The following ZNF841 variants were observed in gnomAD, a reference collection of about 807,000 sequenced individuals.
ZNF841 encodes TCONS_00006091.
A neutral mutation model predicts 13.0 loss-of-function variants in ZNF841; 11 were observed. The ratio of observed to expected loss-of-function variants is 0.85; its 90% confidence interval spans 0.53 to 1.40. The LOEUF (loss-of-function observed/expected upper bound fraction) is 1.40, where lower values mean the gene tolerates loss of function less well. Among genes scored for constraint, ZNF841 ranks in the 40% most tolerant of loss-of-function variants. The pLI is 0.00. For missense variants in ZNF841, 1,068 were observed against 1,139.5 expected (o/e 0.94, Z 0.90); for synonymous variants, 369 against 381.6 (o/e 0.97, Z 0.38).
rs576052911 is a variant in ZNF841, at chr19:52,088,070, C to G, written c.-78+867G>C. ...AAAAAAAAAAAACAAAGGTAGCCCC[C>G]CTAAATGATCTCTGTGATTTTCCAG... On this transcript the variant is annotated intron_variant, in intron 3 of 6. Coordinates refer to ENST00000594440, the MANE Select transcript of ZNF841 (RefSeq NM_001136499.2). Among the ~76,000 whole-genome samples the G allele has an allele frequency of 4.6e-5, 7 of 151,500 alleles. No homozygotes were observed. The East Asian group carries it at 5.8e-4, about 13-fold the overall frequency.
chr19:52,076,009 G>T, intron 6 of ZNF841, 35 bp downstream of exon 6: 1 of 1,549,358 alleles, frequency 6.5e-7, no homozygotes, highest in Non-Finnish European at 8.7e-7. Context: ...ACAATTTCAT[G>T]GTACCGCTTC....
Position 52,066,506 on chromosome 19 carries a change from C to T in ZNF841, c.1376G>A (p.Cys459Tyr), listed in dbSNP as rs1179553339. The T allele has an allele frequency of 1.2e-6, 2 of 1,613,996 alleles. No homozygotes were observed. Among genetic ancestry groups the T allele is most frequent in the South Asian group, 1.1e-5 (1 of 91,068 alleles). ...IIHTGETPYK[C>Y]NECGKVFFQR... ...AAAGAAGACCTTGCCACATTCATTACATTTGTAAGGTGTCTCTCCAGTATG... is the reference window on the plus strand; with the variant it reads ...AAAGAAGACCTTGCCACATTCATTATATTTGTAAGGTGTCTCTCCAGTATG... The change falls in exon 7 of 7, where the codon TGT becomes TAT. Residue 459 changes from cysteine to tyrosine, a missense_variant. By Grantham distance (194) the Cys-to-Tyr change is radical. Coordinates refer to ENST00000594440, the MANE Select transcript of ZNF841 (RefSeq NM_001136499.2).
At chr19:52,068,203 T>A (rs1048607636) in intron 6 of ZNF841, among the ~76,000 whole-genome samples, 8 of 152,118 alleles carry the variant, frequency 5.3e-5, no homozygotes, top group Admixed American at 5.2e-4. Flanking sequence ...AGGCAGTATA[T>A]AACTAGAAAA....
At chr19:52,075,598 A>G (rs2087873986) in intron 6 of ZNF841, among the ~76,000 whole-genome samples, 2 of 152,216 alleles carry the variant, frequency 1.3e-5, no homozygotes, top group Non-Finnish European at 2.9e-5. Flanking sequence ...TCTCCTGACC[A>G]GCACTTTCAA....
At chr19:52,067,699 G>T in intron 6 of ZNF841, 89 bp from the exon 7 acceptor site, 1 of 892,548 alleles carries the variant, frequency 1.1e-6, no homozygotes, top group Non-Finnish European at 1.5e-6. Context: ...TAAACATAAT[G>T]TTTATACTAG....
At chr19:52,061,448 T>A (rs2087394932), downstream of ZNF841, among the ~76,000 whole-genome samples, 1 of 152,154 alleles carries the variant, frequency 6.6e-6, no homozygotes, top group African/African-American at 2.4e-5. Flanking sequence ...TATGACCTTA[T>A]ACCAAAACCT....
At chr19:52,077,499 T>C (rs1482017620) in intron 4 of ZNF841, among the ~76,000 whole-genome samples, 2 of 152,166 alleles carry the variant, frequency 1.3e-5, no homozygotes, top group Admixed American at 1.3e-4. Context: ...AACTAAAGTT[T>C]TGGAACACTC....
chr19:52,074,439 G>T (rs567934632), intron 6 of ZNF841, among the ~76,000 whole-genome samples: 1 of 152,306 alleles, frequency 6.6e-6, no homozygotes, highest in South Asian at 2.1e-4. Flanking sequence ...TACTGGGGAA[G>T]AAAAGTGTGG....
At chr19:52,084,372 G>C (rs12611043) in intron 4 of ZNF841, among the ~76,000 whole-genome samples, 2 of 151,898 alleles carry the variant, frequency 1.3e-5, no homozygotes, top group East Asian at 3.9e-4. Context: ...TCTCCCCTTA[G>C]AGGCATCTTT....
intron 4 of ZNF841, among the ~76,000 whole-genome samples, chr19:52,083,075 G>A (rs1380332469): frequency 2.9e-5 from 4 of 139,704 alleles, no homozygotes; most frequent in East Asian, 2.3e-4. Flanking sequence ...GCAAGACTCC[G>A]TCTCAAAAAA....
At chr19:52,084,974 G>T (rs2088222751) in intron 3 of ZNF841, 96 bp from the exon 4 acceptor site, 4 of 645,972 alleles carry the variant, frequency 6.2e-6, no homozygotes, top group Non-Finnish European at 1.0e-5. Flanking sequence ...CATGTGGAGA[G>T]ACAGCCCAGT....
chr19:52,077,785 A>G (rs577370457), intron 4 of ZNF841, among the ~76,000 whole-genome samples: 2 of 152,356 alleles, frequency 1.3e-5, no homozygotes, highest in Non-Finnish European at 2.9e-5. Flanking sequence ...AGAGAGACTA[A>G]CTAACTTATG....
chr19:52,059,274 C>T, the ZNF841 span, among the ~76,000 whole-genome samples: 2 of 145,584 alleles, frequency 1.4e-5, no homozygotes, highest in South Asian at 4.4e-4. Context: ...GGCAAGAACC[C>T]GAGAGGTGGA....
chr19:52,085,087 A>G (rs1183436731), intron 3 of ZNF841, among the ~76,000 whole-genome samples: 8 of 151,844 alleles, frequency 5.3e-5, no homozygotes, highest in Non-Finnish European at 1.0e-4. Flanking sequence ...GCCCCCACAC[A>G]CCCTGCAACA....
intron 1 of ZNF841, among the ~76,000 whole-genome samples, chr19:52,094,758 A>G (rs545700059): frequency 6.7e-6 from 1 of 150,256 alleles, no homozygotes; most frequent in East Asian, 2.0e-4. Flanking sequence ...CGCGGCTCCA[A>G]CTCTTTCACC....
chr19:52,089,933 ACAG>A (rs2088416546), intron 2 of ZNF841, among the ~76,000 whole-genome samples: 1 of 152,126 alleles, frequency 6.6e-6, no homozygotes, highest in Non-Finnish European at 1.5e-5. Context: ...CACATGCAAC[ACAG>A]CAGGAGTGTA....
chr19:52,068,722 G>C (rs1311774621), intron 6 of ZNF841, among the ~76,000 whole-genome samples: 2 of 149,096 alleles, frequency 1.3e-5, no homozygotes, highest in African/African-American at 5.0e-5. Flanking sequence ...TATAATCCCA[G>C]CATTTTGAGA....
At chr19:52,094,037 A>G (rs918937083) in intron 1 of ZNF841, 66 bp from the exon 2 acceptor site, 1 of 152,072 alleles carries the variant, frequency 6.6e-6, no homozygotes, top group African/African-American at 2.4e-5. Flanking sequence ...AAAAAACACC[A>G]AAGACATATC....
In ZNF841 at chr19:52,066,003, A is replaced by G. The variant is rs770660528; in HGVS notation, c.1879T>C (p.Cys627Arg). Reference sequence around the variant, plus strand: ...CTGAAGACCTTGCCGCATTCGTTACACTGGAAAGGTTTCTCTCCGGTATGA... The same window carrying G: ...CTGAAGACCTTGCCGCATTCGTTACGCTGGAAAGGTTTCTCTCCGGTATGA... The part of the protein sequence containing the change: ...RSHTGEKPFQ[C>R]NECGKVFSYY... Residue 627 changes from cysteine (C) to arginine (R), a missense_variant, in exon 7 of 7, where the codon TGT becomes CGT. Physicochemically the swap from Cys to Arg is radical, Grantham distance 180. Transcript: ENST00000594440. The G allele has an allele frequency of 1.9e-6, 3 of 1,614,116 alleles. No homozygotes were observed. The South Asian group carries it at 3.3e-5, about 18-fold the overall frequency.
Sources: allele counts gnomAD v4.1 joint callset (sites outside exome capture counted in the v4.1 genomes callset), GRCh38; gene constraint gnomAD v4.1.1; transcripts MANE v1.5; gene names NCBI Gene and HGNC (gene_info 2026-07-23, HGNC 2026-07-21).